The following APLF variants were observed in gnomAD, a reference collection of about 807,000 sequenced individuals.
APLF encodes aprataxin and PNKP like factor, also known as aprataxin and PNK-like factor.
In APLF, 61 loss-of-function variants were observed where a neutral mutation model predicts 55.6. That is an observed-to-expected ratio of 1.10 (90% CI 0.89 to 1.36). The LOEUF (loss-of-function observed/expected upper bound fraction) is 1.36. Among genes scored for constraint, APLF ranks in the 40% most tolerant of loss-of-function variants. The pLI, the probability that APLF is intolerant of heterozygous loss-of-function variation, is 0.00. For synonymous variants in APLF, 207 were observed against 214.8 expected (o/e 0.96, Z 0.32); for missense variants, 611 against 602.5 (o/e 1.01, Z -0.15).
chr2:68,517,372 A>C (rs1288326148), intron 5 of APLF, among the ~76,000 whole-genome samples: 1 of 130,866 alleles, frequency 7.6e-6, no homozygotes, highest in Non-Finnish European at 1.5e-5. Flanking sequence ...TAATATATTC[A>C]TATAGTAATA....
At chr2:68,512,998 G>T in intron 3 of APLF, 82 bp from the exon 4 acceptor site, 1 of 1,309,010 alleles carries the variant, frequency 7.6e-7, no homozygotes, top group Admixed American at 2.2e-5. Flanking sequence ...CTGAGTAAAG[G>T]GACATAACTT....
chr2:68,551,506 A>G (rs889407035), intron 8 of APLF, among the ~76,000 whole-genome samples: 3 of 151,324 alleles, frequency 2.0e-5, no homozygotes, highest in African/African-American at 4.9e-5. Context: ...CATGTCCCAC[A>G]TGTTTCTTCT....
intron 1 of APLF, among the ~76,000 whole-genome samples, chr2:68,469,247 T>C (rs922033470): frequency 2.0e-5 from 3 of 152,330 alleles, no homozygotes; most frequent in African/African-American, 7.2e-5. Context: ...GAGTATGTGC[T>C]TAATCTAGTA....
chr2:68,524,905 T>C (rs371797926), intron 5 of APLF, among the ~76,000 whole-genome samples: 1 of 152,308 alleles, frequency 6.6e-6, no homozygotes, highest in African/African-American at 2.4e-5. Flanking sequence ...TGATAGTGTC[T>C]TAGGTTTGCC....
intron 1 of APLF, among the ~76,000 whole-genome samples, chr2:68,488,454 C>G (rs1208628946): frequency 6.6e-6 from 1 of 151,578 alleles, no homozygotes; most frequent in African/African-American, 2.4e-5. Context: ...CCTCAGCCTC[C>G]CAAGTATTAA....
chr2:68,545,416 A>G, intron 8 of APLF, 104 bp downstream of exon 8: 1 of 1,362,466 alleles, frequency 7.3e-7, no homozygotes, highest in Non-Finnish European at 9.8e-7. Flanking sequence ...TTTAATTTTC[A>G]TTTTTAAACT....
At chr2:68,509,292 G>C (rs1676969833) in intron 3 of APLF, among the ~76,000 whole-genome samples, 1 of 152,032 alleles carries the variant, frequency 6.6e-6, no homozygotes, top group Non-Finnish European at 1.5e-5. Flanking sequence ...GCAACCTACA[G>C]AATGGGAGAA....
At chr2:68,565,016 A>G (rs1671262851) in intron 8 of APLF, among the ~76,000 whole-genome samples, 1 of 152,066 alleles carries the variant, frequency 6.6e-6, no homozygotes, top group Non-Finnish European at 1.5e-5. Context: ...TGTTACCCAT[A>G]TTTCAAGTGC....
chr2:68,480,445 A>C (rs1675919045), intron 1 of APLF, among the ~76,000 whole-genome samples: 4 of 151,788 alleles, frequency 2.6e-5, no homozygotes, highest in African/African-American at 9.7e-5. Context: ...CTGGGATTAC[A>C]GGCGCCCACC....
chr2:68,471,038 C>T (rs900564269), intron 1 of APLF, among the ~76,000 whole-genome samples: 5 of 152,190 alleles, frequency 3.3e-5, no homozygotes, highest in African/African-American at 1.2e-4. Flanking sequence ...TCTTCCCTTA[C>T]GTTTCTTTTA....
chr2:68,535,314 G>A (rs1217912464), intron 6 of APLF: 2 of 436,420 alleles, frequency 4.6e-6, no homozygotes, highest in Non-Finnish European at 4.7e-6. Context: ...AGTATCAGAA[G>A]CATTTGAAGT....
chr2:68,550,195 A>G (rs1453043368), intron 8 of APLF, among the ~76,000 whole-genome samples: 3 of 152,130 alleles, frequency 2.0e-5, no homozygotes, highest in African/African-American at 7.2e-5. Context: ...TTTTTAATCC[A>G]GTCTGATAGT....
At chr2:68,573,105 T>C (rs752002997) in intron 9 of APLF, among the ~76,000 whole-genome samples, 8 of 152,162 alleles carry the variant, frequency 5.3e-5, no homozygotes, top group Non-Finnish European at 1.2e-4. Context: ...GTAAATAATA[T>C]GTTGTTTTAA....
chr2:68,569,255 A>G (rs1671388617), intron 9 of APLF, among the ~76,000 whole-genome samples: 1 of 152,072 alleles, frequency 6.6e-6, no homozygotes, highest in African/African-American at 2.4e-5. Context: ...TTGCCGTGAG[A>G]TGCTCTGAAA....
Position 68,528,993 on chromosome 2 carries a change from C to T in APLF, c.804+2751C>T, listed in dbSNP as rs1215523338. On this transcript the variant is annotated intron_variant, in intron 6 of 9. Coordinates refer to ENST00000303795, the MANE Select transcript of APLF (RefSeq NM_173545.3). The stretch of plus-strand genomic sequence containing the variant: ...ACCTGGTCTTTCACCTCCGTTGCTT[C>T]TTTGGGCTCTTCTGCCCTCACCTCC... 3.0e-5 allele frequency: 46 copies of T among 1,516,304 alleles called. 1 individual carries two copies. In the East Asian group the frequency reaches 4.7e-4, roughly 15 times the overall value. The allele number at this position is 1,516,304 out of a possible 1,614,324, so 93.9% of individuals were successfully genotyped here. A position where few individuals can be genotyped will look rare whatever the true frequency, so the allele number is the denominator to read the frequency against.
intron 8 of APLF, among the ~76,000 whole-genome samples, chr2:68,565,514 G>GATAGATAGATACATACATAC (rs60590885): frequency 2.6e-4 from 39 of 149,032 alleles, no homozygotes; most frequent in African/African-American, 9.0e-4. Flanking sequence ...TAGACAGATA[G>GATAGATAGATACATACATAC]ATACATACAT....
At chr2:68,523,453 G>C (rs1028953259) in intron 5 of APLF, among the ~76,000 whole-genome samples, 1 of 151,820 alleles carries the variant, frequency 6.6e-6, no homozygotes, top group African/African-American at 2.4e-5. Context: ...TTAAACCACA[G>C]AAATAATATT....
chr2:68,518,282 AATATTAAT>A (rs1669708465), intron 5 of APLF, among the ~76,000 whole-genome samples: 1 of 114,248 alleles, frequency 8.8e-6, no homozygotes, highest in African/African-American at 3.8e-5. Flanking sequence ...ATCAGTATAT[AATATTAAT>A]ATATTAATAT....
chr2:68,534,510 G>C (rs914825461), intron 6 of APLF, among the ~76,000 whole-genome samples: 1 of 152,042 alleles, frequency 6.6e-6, no homozygotes, highest in Non-Finnish European at 1.5e-5. Context: ...GATGGTTGAG[G>C]GGCAGGGGAA....
Sources: allele counts gnomAD v4.1 joint callset (sites outside exome capture counted in the v4.1 genomes callset), GRCh38; gene constraint gnomAD v4.1.1; transcripts MANE v1.5; gene names NCBI Gene and HGNC (gene_info 2026-07-23, HGNC 2026-07-21).